Variants in PCDHA4 observed in about 807,000 individuals in gnomAD.
PCDHA4 encodes the protein protocadherin alpha-4.
A neutral mutation model predicts 61.4 loss-of-function variants in PCDHA4; 49 were observed. The ratio of observed to expected loss-of-function variants is 0.80; its 90% CI spans 0.63 to 1.01. PCDHA4 has a LOEUF of 1.01. Among genes scored for constraint, PCDHA4 ranks in the 50% least tolerant of loss-of-function variants. PCDHA4 has a pLI of 0.00. For synonymous variants in PCDHA4, 590 were observed against 550.3 expected (o/e 1.07, Z -1.01); for missense variants, 1,254 against 1,235.8 (o/e 1.01, Z -0.22).
intron 1 of PCDHA4, among the ~76,000 whole-genome samples, chr5:140,918,027 G>A (rs782291548): frequency 8.5e-5 from 13 of 152,226 alleles, no homozygotes; most frequent in African/African-American, 1.9e-4. Context: ...ACCCATGAGC[G>A]TGGAAGGTCT....
At chr5:140,870,318 G>T in intron 1 of PCDHA4, 1 of 1,614,178 alleles carries the variant, frequency 6.2e-7, no homozygotes, top group Non-Finnish European at 8.5e-7. Context: ...ATTACTACTC[G>T]TTGGTGCTGG....
chr5:140,840,163 A>T (rs2150304163), intron 1 of PCDHA4, among the ~76,000 whole-genome samples: 1 of 152,162 alleles, frequency 6.6e-6, no homozygotes, highest in African/African-American at 2.4e-5. Context: ...GAGAGATGGG[A>T]TGTATACAAA....
chr5:140,958,295 C>A (rs1405336220), intron 1 of PCDHA4, among the ~76,000 whole-genome samples: 1 of 151,884 alleles, frequency 6.6e-6, no homozygotes, highest in African/African-American at 2.4e-5. Context: ...TATTATTGAA[C>A]TTAATTAAAA....
chr5:140,993,291 C>A (rs961103629), intron 3 of PCDHA4, among the ~76,000 whole-genome samples: 6 of 152,068 alleles, frequency 3.9e-5, no homozygotes, highest in African/African-American at 1.4e-4. Flanking sequence ...CCCAGGGTCA[C>A]AACCTTGCCT....
rs1047587407 is a variant in PCDHA4 at position 140,847,610 on chromosome 5, C to G, written c.2385+38038C>G. 4.0e-5 allele frequency: 6 copies of G among 149,370 alleles called. 1 individual carries two copies. The highest frequency in any genetic ancestry group is 1.5e-4 in the African/African-American group (6 of 40,758). 9.3% of individuals were successfully genotyped at this position (149,370 alleles called of 1,614,324 possible). On this transcript the variant is annotated intron_variant, in intron 1 of 3. Coordinates refer to ENST00000530339, the MANE Select transcript of PCDHA4 (RefSeq NM_018907.4). ...ATGAAATTAAAACATATTGTAATAACATTACACAAACTATATTGGAGACTA... is the reference window on the plus strand; with the variant it reads ...ATGAAATTAAAACATATTGTAATAAGATTACACAAACTATATTGGAGACTA...
intron 1 of PCDHA4, among the ~76,000 whole-genome samples, chr5:140,971,815 A>G (rs988959952): frequency 3.2e-4 from 49 of 152,166 alleles, no homozygotes; most frequent in African/African-American, 1.1e-3. Flanking sequence ...TATTGAATAC[A>G]TATATGATTT....
chr5:140,924,008 C>T lies in PCDHA4; in HGVS notation c.2386-54941C>T, dbSNP rs75028295. On this transcript the variant is annotated intron_variant, in intron 1 of 3. Coordinates refer to ENST00000530339, the MANE Select transcript of PCDHA4 (RefSeq NM_018907.4). ...TAGGTGCAGCTCAGAATTCCTAAAC[C>T]TGGTATAATTGGAGGCATGGCTGCA... 7.8e-3 allele frequency among the ~76,000 whole-genome samples: 1,191 copies of T among 152,262 alleles called. 21 individuals are homozygous for T. The highest frequency in any genetic ancestry group is 0.026 in the African/African-American group (1,098 of 41,552).
At position 140,936,850 on chromosome 5, in the gene PCDHA4, CTTCTCAGT is replaced by C. The variant is rs1421923207; in HGVS notation, c.2386-42094_2386-42087del. Among the ~76,000 whole-genome samples the C allele has an allele frequency of 3.1e-4, 47 of 152,208 alleles. 1 individual carries two copies. Among genetic ancestry groups the C allele is most frequent in the African/African-American group, 1.1e-3 (46 of 41,532 alleles). On this transcript the variant is annotated intron_variant, in intron 1 of 3. Coordinates refer to ENST00000530339, the MANE Select transcript of PCDHA4 (RefSeq NM_018907.4). ...ATTTCTATATAAATTGTAGATTCAG[CTTCTCAGT>C]TTCTATTTTAAAAAACCCTGCTTTG... is the stretch of plus-strand genomic sequence containing the variant.
intron 1 of PCDHA4, among the ~76,000 whole-genome samples, chr5:140,954,172 T>C (rs1297030972): frequency 6.6e-6 from 1 of 152,246 alleles, no homozygotes; most frequent in Non-Finnish European, 1.5e-5. Flanking sequence ...ATTTTCTTTA[T>C]CCAGTCTATC....
At position 140,809,162 on chromosome 5, in the gene PCDHA4, C is replaced by T; in HGVS notation, c.1975C>T (p.Leu659=). ...GGTGAAGGACCACGGCGAGCCCGCG[C>T]TGACGGCCACGGCCACTGTGCTGGT... ...VLVKDHGEPA[L]TATATVLVSL... is the part of the protein sequence containing the mutation. Residue 659 remains leucine, a synonymous_variant, in exon 1 of 4, where the codon CTG becomes TTG. Coordinates refer to ENST00000530339, the MANE Select transcript of PCDHA4 (RefSeq NM_018907.4). 1 of 1,614,004 alleles carries T rather than the reference C, an allele frequency of 6.2e-7. No individual in the cohort carries two copies.
Position 140,856,142 on chromosome 5 carries a change from T to C in PCDHA4, c.2385+46570T>C. 6.3e-7 allele frequency: 1 copy of C among 1,598,234 alleles called. No homozygotes were observed. Among genetic ancestry groups the C allele is most frequent in the Non-Finnish European group, 8.6e-7 (1 of 1,167,842 alleles). ...GGAGGTGGGGAGCGGCCAGCTCCAC[T>C]ACTCAGTCTACGAGGAGGCCAGACA... On this transcript the variant is annotated intron_variant, in intron 1 of 3. Transcript: ENST00000530339.
At chr5:140,860,539 A>C (rs1017009247) in intron 1 of PCDHA4, 4 of 152,206 alleles carry the variant, frequency 2.6e-5, no homozygotes, top group African/African-American at 7.2e-5. Flanking sequence ...TTTGTAAGAC[A>C]AACCCACCTT....
At chr5:140,861,422 T>G in intron 1 of PCDHA4, 1 of 482,430 alleles carries the variant, frequency 2.1e-6, no homozygotes, top group Admixed American at 2.1e-5. Flanking sequence ...CGCGCCTGTT[T>G]CAGTTGGATT....
intron 1 of PCDHA4, among the ~76,000 whole-genome samples, chr5:140,975,698 T>C (rs1298498012): frequency 6.6e-6 from 1 of 152,202 alleles, no homozygotes; most frequent in Non-Finnish European, 1.5e-5. Flanking sequence ...TTTAAACTTA[T>C]TTTACTTTAA....
intron 1 of PCDHA4, chr5:140,853,156 G>A (rs2150528996): frequency 1.1e-6 from 1 of 904,258 alleles, no homozygotes; most frequent in South Asian, 5.0e-5. Context: ...TGGGATTACA[G>A]GCGTGAGCCA....
At chr5:140,848,914 T>G in intron 1 of PCDHA4, 4 of 1,608,096 alleles carry the variant, frequency 2.5e-6, no homozygotes, top group Non-Finnish European at 3.4e-6. Context: ...CAAAAGAATC[T>G]GTTCATCGCG....
At chr5:140,914,596 C>A (rs1454753124) in intron 1 of PCDHA4, among the ~76,000 whole-genome samples, 1 of 152,128 alleles carries the variant, frequency 6.6e-6, no homozygotes, top group Non-Finnish European at 1.5e-5. Flanking sequence ...TAAGTAGGAA[C>A]TTCCTCCTGC....
At chr5:140,880,731 GAA>G (rs2058452770) in intron 1 of PCDHA4, among the ~76,000 whole-genome samples, 1 of 152,216 alleles carries the variant, frequency 6.6e-6, no homozygotes, top group Non-Finnish European at 1.5e-5. Flanking sequence ...GAAGCATAGA[GAA>G]AATGGATTGT....
intron 3 of PCDHA4, among the ~76,000 whole-genome samples, chr5:140,995,791 T>C (rs547359105): frequency 1.3e-5 from 2 of 152,266 alleles, no homozygotes; most frequent in South Asian, 4.1e-4. Context: ...TTAAAATTTG[T>C]CTCATGTTAG....
Sources: gnomAD v4.1 joint callset for allele counts (sites outside exome capture counted in the v4.1 genomes callset) on GRCh38, gnomAD v4.1.1 for gene constraint, MANE v1.5 for transcripts, NCBI Gene and HGNC (gene_info 2026-07-23, HGNC 2026-07-21) for gene names.